LRRC8D: variants seen among roughly 807,000 people sequenced by gnomAD.
LRRC8D encodes leucine rich repeat containing 8 VRAC subunit D, also known as volume-regulated anion channel subunit LRRC8D.
LRRC8D carries 20 observed loss-of-function variants against 55.8 expected under a neutral mutation model. That is an observed-to-expected ratio of 0.36 (90% CI 0.25 to 0.52). The LOEUF is 0.52. LRRC8D is among the 20% of genes least tolerant of loss of function. The pLI, the probability that LRRC8D is intolerant of heterozygous loss-of-function variation, is 0.93. For synonymous variants in LRRC8D, 352 were observed against 377.0 expected (o/e 0.93, Z 0.77); for missense variants, 651 against 1,030.8 (o/e 0.63, Z 5.05).
At chr1:89,915,578 G>A (rs1663246609) in intron 2 of LRRC8D, among the ~76,000 whole-genome samples, 1 of 152,168 alleles carries the variant, frequency 6.6e-6, no homozygotes, top group South Asian at 2.1e-4. Context: ...ATGGCTACTG[G>A]ATGGCTGAAA....
chr1:89,824,205 G>C (rs1363744002), intron 1 of LRRC8D, among the ~76,000 whole-genome samples: 1 of 152,176 alleles, frequency 6.6e-6, no homozygotes, highest in African/African-American at 2.4e-5. Flanking sequence ...TGGCGATAGT[G>C]CCTGCCCTTA....
rs1400674424 is a variant in LRRC8D, at chr1:89,933,589, T to TTA, written c.523_524dup (p.Leu176PhefsTer19). ...CCATACCTAGCTCTTATACATACTA[T>TTA]TATTCTCATGGTCAGTAGCAACTTT... On this transcript the variant is annotated frameshift_variant, in exon 3 of 3. Transcript: ENST00000337338. LOFTEE classifies it high-confidence loss of function. This position sits in a 1 kb window ranked among gnomAD's most constrained non-coding sequence, Gnocchi z 7.0. 6.2e-7 allele frequency: 1 copy of TTA among 1,614,174 alleles called. No individual in the cohort carries two copies. Among genetic ancestry groups the TTA allele is most frequent in the South Asian group, 1.1e-5 (1 of 91,088 alleles).
At chr1:89,914,200 T>G (rs1469216748) in intron 2 of LRRC8D, among the ~76,000 whole-genome samples, 1 of 152,166 alleles carries the variant, frequency 6.6e-6, no homozygotes, top group Non-Finnish European at 1.5e-5. Context: ...CCGGAATTGG[T>G]GGGTTCTTGG....
chr1:89,863,861 A>G (rs1216987794), intron 2 of LRRC8D, among the ~76,000 whole-genome samples: 1 of 152,192 alleles, frequency 6.6e-6, no homozygotes, highest in Non-Finnish European at 1.5e-5. Context: ...GTCATGGGAA[A>G]AATTTCCCAG....
Position 89,935,427 on chromosome 1 carries a change from A to T in LRRC8D, c.2359A>T (p.Ile787Phe). The T allele has an allele frequency of 6.2e-7, 1 of 1,614,244 alleles. No individual in the cohort carries two copies. The highest frequency in any genetic ancestry group is 8.5e-7 in the Non-Finnish European group (1 of 1,180,034). Reference sequence around the variant, plus strand: ...GACTTTGAATCTGGGACAGAACTGCATCACCTCACTCCCAGAGAAAGTTGG... The same window carrying T: ...GACTTTGAATCTGGGACAGAACTGCTTCACCTCACTCCCAGAGAAAGTTGG... ...LRTLNLGQNC[I>F]TSLPEKVGQL... Residue 787 changes from isoleucine (I) to phenylalanine (F), a missense_variant, in exon 3 of 3, where the codon ATC (isoleucine) becomes TTC (phenylalanine). Ile to Phe is a conservative substitution (Grantham distance 21, BLOSUM62 0). Around this residue, in one of 5 missense-constraint regions of LRRC8D, gnomAD observed 338 missense variants for 479.4 expected, o/e 0.71. Coordinates refer to ENST00000337338, the MANE Select transcript of LRRC8D (RefSeq NM_001134479.2).
At chr1:89,886,580 A>T (rs1662425502) in intron 2 of LRRC8D, among the ~76,000 whole-genome samples, 1 of 152,250 alleles carries the variant, frequency 6.6e-6, no homozygotes, top group African/African-American at 2.4e-5. Flanking sequence ...AGCAATTTAA[A>T]TAAGGTGAGA....
At chr1:89,878,932 A>G (rs1011384012) in intron 2 of LRRC8D, among the ~76,000 whole-genome samples, 1 of 148,002 alleles carries the variant, frequency 6.8e-6, no homozygotes, top group Admixed American at 6.9e-5. Flanking sequence ...GCACCACTGC[A>G]CTCTAGCCTG....
At chr1:89,871,867 C>CTGTT (rs543288814) in intron 2 of LRRC8D, among the ~76,000 whole-genome samples, 36 of 152,122 alleles carry the variant, frequency 2.4e-4, no homozygotes, top group Admixed American at 1.2e-3. Flanking sequence ...GTACTTTTGC[C>CTGTT]TGTTTGTTTG....
At chr1:89,846,312 A>ATTTTTTTTT (rs35802731) in intron 2 of LRRC8D, among the ~76,000 whole-genome samples, 1 of 140,986 alleles carries the variant, frequency 7.1e-6, no homozygotes, top group Non-Finnish European at 1.6e-5. Flanking sequence ...TATATGATGT[A>ATTTTTTTTT]TTTTTTTTTT....
At chr1:89,827,369 G>A (rs984813127) in intron 1 of LRRC8D, among the ~76,000 whole-genome samples, 1 of 151,736 alleles carries the variant, frequency 6.6e-6, no homozygotes. Flanking sequence ...AAAGATTTTG[G>A]GGAAAAAAAT....
intron 2 of LRRC8D, among the ~76,000 whole-genome samples, chr1:89,925,316 C>T (rs1039369690): frequency 6.6e-5 from 10 of 152,146 alleles, no homozygotes; most frequent in Admixed American, 2.0e-4. Context: ...GCTCAGGGAT[C>T]GCGCTGATTC....
intron 2 of LRRC8D, among the ~76,000 whole-genome samples, chr1:89,855,464 C>A (rs1661529156): frequency 6.6e-6 from 1 of 152,200 alleles, no homozygotes; most frequent in South Asian, 2.1e-4. Flanking sequence ...ATAGGACACT[C>A]CTTTGTAAAT....
intron 2 of LRRC8D, among the ~76,000 whole-genome samples, chr1:89,931,531 T>G (rs879759344): frequency 3.3e-5 from 5 of 151,950 alleles, no homozygotes; most frequent in Admixed American, 2.0e-4. Context: ...GAGGCCAAGG[T>G]GGGCAGATCA....
chr1:89,885,639 A>T (rs547474352), intron 2 of LRRC8D, among the ~76,000 whole-genome samples: 22 of 152,338 alleles, frequency 1.4e-4, no homozygotes, highest in Middle Eastern at 3.4e-3. Context: ...GTGCACTAAG[A>T]AATATCTGTC....
At chr1:89,823,790 GACAGTT>G (rs1368188838) in intron 1 of LRRC8D, among the ~76,000 whole-genome samples, 1 of 152,190 alleles carries the variant, frequency 6.6e-6, no homozygotes, top group East Asian at 1.9e-4. Flanking sequence ...AGCAGAAGCA[GACAGTT>G]ACAGTTGTCT....
At chr1:89,902,778 C>A (rs756513458) in intron 2 of LRRC8D, among the ~76,000 whole-genome samples, 3 of 152,188 alleles carry the variant, frequency 2.0e-5, no homozygotes, top group Non-Finnish European at 2.9e-5. Flanking sequence ...CCCGCCTCAG[C>A]CTCCCAAAGT....
chr1:89,843,151 A>C (rs1159872927), intron 1 of LRRC8D: 1 of 152,552 alleles, frequency 6.6e-6, no homozygotes, highest in Non-Finnish European at 1.5e-5. Context: ...GAACTTTAAA[A>C]ATTTGCATAA....
chr1:89,906,359 A>G (rs774217734), intron 2 of LRRC8D, among the ~76,000 whole-genome samples: 5 of 152,238 alleles, frequency 3.3e-5, no homozygotes, highest in Non-Finnish European at 4.4e-5. Flanking sequence ...GCATCGCTGT[A>G]GAGCCGCTAT....
At chr1:89,888,164 C>T (rs72965689) in intron 2 of LRRC8D, among the ~76,000 whole-genome samples, 2,714 of 152,298 alleles carry the variant, frequency 0.018, 71 homozygotes, top group African/African-American at 0.062. Flanking sequence ...AGAATAAACT[C>T]ACTGAAGAAA....
Sources: allele counts gnomAD v4.1 joint callset (sites outside exome capture counted in the v4.1 genomes callset), GRCh38; gene constraint gnomAD v4.1.1; regional missense constraint gnomAD v4.1.1; non-coding constraint Gnocchi (gnomAD v3.1); transcripts MANE v1.5; gene names NCBI Gene and HGNC (gene_info 2026-07-23, HGNC 2026-07-21).